Variants in ARHGEF38 observed in about 807,000 individuals in gnomAD.
ARHGEF38 encodes Rho guanine nucleotide exchange factor (GEF) 38.
A neutral mutation model predicts 79.9 loss-of-function variants in ARHGEF38; 79 were observed. The observed-to-expected ratio is 0.99, with a 90% CI of 0.82 to 1.19. The LOEUF is 1.19. Among genes scored for constraint, ARHGEF38 ranks in the 50% most tolerant of loss-of-function variants. ARHGEF38 has a pLI of 0.00. For missense variants in ARHGEF38, 962 were observed against 907.2 expected (o/e 1.06, Z -0.78); for synonymous variants, 366 against 328.3 (o/e 1.11, Z -1.24).
intron 13 of ARHGEF38, among the ~76,000 whole-genome samples, chr4:105,670,037 T>C (rs919064643): frequency 1.3e-5 from 2 of 152,226 alleles, no homozygotes; most frequent in Non-Finnish European, 2.9e-5. Flanking sequence ...CACTCACCAG[T>C]TGATGGTCAT....
chr4:105,628,763 A>G (rs1729059905), intron 3 of ARHGEF38, among the ~76,000 whole-genome samples: 1 of 152,152 alleles, frequency 6.6e-6, no homozygotes, highest in African/African-American at 2.4e-5. Context: ...ACATTACCTC[A>G]GAGTCTAACT....
intron 7 of ARHGEF38, among the ~76,000 whole-genome samples, chr4:105,652,984 G>A (rs1730168259): frequency 6.6e-6 from 1 of 152,192 alleles, no homozygotes; most frequent in African/African-American, 2.4e-5. Context: ...ATCACCCAGT[G>A]CCAAGCTTAA....
intron 8 of ARHGEF38, 99 bp downstream of exon 8, chr4:105,654,268 C>T (rs1412658311): frequency 1.5e-6 from 1 of 671,704 alleles, no homozygotes. Flanking sequence ...ACTGTTCCTT[C>T]CTTTATGTTA....
chr4:105,584,960 C>T (rs957190917), intron 1 of ARHGEF38, among the ~76,000 whole-genome samples: 3 of 152,186 alleles, frequency 2.0e-5, no homozygotes, highest in Non-Finnish European at 2.9e-5. Context: ...GCCAGATAAA[C>T]TGCTCAGGAT....
At chr4:105,594,117 A>G (rs1727466476) in intron 2 of ARHGEF38, among the ~76,000 whole-genome samples, 1 of 152,144 alleles carries the variant, frequency 6.6e-6, no homozygotes, top group African/African-American at 2.4e-5. Flanking sequence ...CAATTCTCTT[A>G]AGGTTCTCAG....
At chr4:105,614,785 G>T (rs1728445293) in intron 3 of ARHGEF38, among the ~76,000 whole-genome samples, 1 of 152,166 alleles carries the variant, frequency 6.6e-6, no homozygotes, top group Non-Finnish European at 1.5e-5. Flanking sequence ...TAGTTATGAA[G>T]TAGCAGCATA....
chr4:105,581,844 C>T (rs1463638123), intron 1 of ARHGEF38, among the ~76,000 whole-genome samples: 2 of 151,714 alleles, frequency 1.3e-5, no homozygotes, highest in African/African-American at 2.4e-5. Flanking sequence ...ATCGTGTTTC[C>T]GTGTGTGTTT....
At chr4:105,620,027 A>G (rs1260928555) in intron 3 of ARHGEF38, among the ~76,000 whole-genome samples, 6 of 152,214 alleles carry the variant, frequency 3.9e-5, no homozygotes, top group Admixed American at 2.6e-4. Flanking sequence ...ATTTTACTCA[A>G]TAATAACACT....
At chr4:105,673,387 G>C (rs1731018432) in intron 13 of ARHGEF38, among the ~76,000 whole-genome samples, 1 of 152,046 alleles carries the variant, frequency 6.6e-6, no homozygotes, top group African/African-American at 2.4e-5. Context: ...AATCAGTGTT[G>C]TTTTCTTTTT....
chr4:105,585,726 C>CCTT (rs3056721), intron 1 of ARHGEF38, among the ~76,000 whole-genome samples: 9 of 71,502 alleles, frequency 1.3e-4, no homozygotes, highest in Non-Finnish European at 1.9e-4. Context: ...CCCTCCGTTG[C>CCTT]TTTTTTTTTT....
chr4:105,647,245 ACT>A (rs1729883386), intron 6 of ARHGEF38, among the ~76,000 whole-genome samples: 1 of 151,612 alleles, frequency 6.6e-6, no homozygotes, highest in Admixed American at 6.6e-5. Context: ...CTTCAGACGT[ACT>A]CTGTCTTCTT....
chr4:105,616,106 A>G (rs1728498536), intron 3 of ARHGEF38, among the ~76,000 whole-genome samples: 1 of 152,202 alleles, frequency 6.6e-6, no homozygotes. Flanking sequence ...TGTATGGAAA[A>G]TAGGGCCTGA....
chr4:105,609,278 A>G (rs147348823), intron 2 of ARHGEF38, among the ~76,000 whole-genome samples: 1 of 152,192 alleles, frequency 6.6e-6, no homozygotes, highest in Non-Finnish European at 1.5e-5. Context: ...TGTTCTTGAC[A>G]TCTTTGCTGA....
intron 10 of ARHGEF38, among the ~76,000 whole-genome samples, chr4:105,663,901 C>T (rs571663117): frequency 9.3e-5 from 14 of 149,872 alleles, no homozygotes; most frequent in South Asian, 6.4e-4. Flanking sequence ...ATCTGGGAGG[C>T]GGAGGTTGCA....
chr4:105,664,635 A>T (rs1239544172), intron 10 of ARHGEF38, among the ~76,000 whole-genome samples: 1 of 152,220 alleles, frequency 6.6e-6, no homozygotes, highest in Non-Finnish European at 1.5e-5. Flanking sequence ...AACATAATGC[A>T]TTCAAGTTAG....
At position 105,679,553 on chromosome 4, in the gene ARHGEF38, T is replaced by C. The variant is rs1731239836; in HGVS notation, c.*1616T>C. 3.6e-6 allele frequency: 4 copies of C among 1,102,610 alleles called. No homozygotes were observed. Among genetic ancestry groups the C allele is most frequent in the Non-Finnish European group, 5.6e-6 (4 of 715,792 alleles). The allele number at this position is 1,102,610 out of a possible 1,614,324, so 68.3% of individuals were successfully genotyped here. On this transcript the variant is annotated 3_prime_UTR_variant, in exon 14 of 14. Transcript: ENST00000420470. Reference sequence around the variant, plus strand: ...AAATGTGGGCTAAAGCTGCAGCCAATGCATCTATCGCCCCTTTCTCTTCTA... The same window carrying C: ...AAATGTGGGCTAAAGCTGCAGCCAACGCATCTATCGCCCCTTTCTCTTCTA...
At chr4:105,641,166 G>T (rs552148182) in intron 5 of ARHGEF38, among the ~76,000 whole-genome samples, 1 of 151,204 alleles carries the variant, frequency 6.6e-6, no homozygotes. Flanking sequence ...TTGTGTGTTT[G>T]TTCTTCTCTT....
Position 105,680,278 on chromosome 4 carries a change from T to C in ARHGEF38, c.*2341T>C. ...AAGCATATGCAAAATAGAAAAATGATAGTCACCACATATCTACTAATGGGA... is the reference window on the plus strand; with the variant it reads ...AAGCATATGCAAAATAGAAAAATGACAGTCACCACATATCTACTAATGGGA... On this transcript the variant is annotated 3_prime_UTR_variant, in exon 14 of 14. Transcript: ENST00000420470. The C allele has an allele frequency of 2.8e-6, 1 of 356,088 alleles. No individual in the cohort carries two copies. Among genetic ancestry groups the C allele is most frequent in the South Asian group, 2.6e-5 (1 of 38,376 alleles). The allele number at this position is 356,088 out of a possible 1,614,324, so 22.1% of individuals were successfully genotyped here.
intron 1 of ARHGEF38, among the ~76,000 whole-genome samples, chr4:105,588,770 T>C (rs1433353427): frequency 1.3e-5 from 2 of 152,198 alleles, no homozygotes; most frequent in African/African-American, 2.4e-5. Flanking sequence ...AATCATGCAA[T>C]TGTTTTCCAT....
Sources: gnomAD v4.1 joint callset for allele counts (sites outside exome capture counted in the v4.1 genomes callset) on GRCh38, gnomAD v4.1.1 for gene constraint, MANE v1.5 for transcripts, NCBI Gene and HGNC (gene_info 2026-07-23, HGNC 2026-07-21) for gene names.